MTF2: variants seen among roughly 807,000 people sequenced by gnomAD.
MTF2 encodes metal response element binding transcription factor 2.
A neutral mutation model predicts 79.5 loss-of-function variants in MTF2; 11 were observed. That is an observed-to-expected ratio of 0.14 (90% CI 0.09 to 0.23). The LOEUF is 0.23. MTF2 is among the 10% of genes least tolerant of loss of function. The pLI is 1.00. For synonymous variants in MTF2, 208 were observed against 232.8 expected, an observed-to-expected ratio of 0.89 and a Z score of 0.97; for missense variants, 486 against 711.2, an observed-to-expected ratio of 0.68 and a Z score of 3.60.
rs746773581 is a variant in MTF2, at chr1:93,110,295, C to A, written c.71C>A (p.Thr24Asn). The A allele has an allele frequency of 1.2e-6, 2 of 1,614,066 alleles. No homozygotes were observed. Among genetic ancestry groups the A allele is most frequent in the South Asian group, 2.2e-5 (2 of 91,076 alleles). Reference sequence around the variant, plus strand: ...TCTCCTTTACGTCGAAACCAAAAGACCCCAACATCCTTGACCAAGCTGTCT... The same window carrying A: ...TCTCCTTTACGTCGAAACCAAAAGAACCCAACATCCTTGACCAAGCTGTCT... ...KRSPLRRNQK[T>N]PTSLTKLSLQ... Residue 24 changes from threonine (T) to asparagine (N), a missense_variant, in exon 2 of 15, where the codon ACC (threonine) becomes AAC (asparagine). Coordinates refer to ENST00000370298, the MANE Select transcript of MTF2 (RefSeq NM_007358.4).
intron 1 of MTF2, among the ~76,000 whole-genome samples, chr1:93,087,506 A>G (rs1654895462): frequency 6.7e-6 from 1 of 150,066 alleles, no homozygotes; most frequent in African/African-American, 2.4e-5. Flanking sequence ...CAGGAGGCAG[A>G]GGTTGCAGTG....
At chr1:93,105,602 G>A (rs950544515) in intron 1 of MTF2, among the ~76,000 whole-genome samples, 3 of 152,082 alleles carry the variant, frequency 2.0e-5, no homozygotes, top group Non-Finnish European at 4.4e-5. Flanking sequence ...TCTACTGCCT[G>A]GCACAGTATG....
chr1:93,086,003 G>A (rs1654820501), intron 1 of MTF2, among the ~76,000 whole-genome samples: 1 of 152,186 alleles, frequency 6.6e-6, no homozygotes, highest in Non-Finnish European at 1.5e-5. Context: ...GCTACTGGCA[G>A]TGCAGTAGGT....
chr1:93,109,429 G>C (rs145090161), intron 1 of MTF2, among the ~76,000 whole-genome samples: 1 of 152,016 alleles, frequency 6.6e-6, no homozygotes, highest in Non-Finnish European at 1.5e-5. Context: ...CGCCTCCTGG[G>C]TTCAAATGAT....
intron 1 of MTF2, among the ~76,000 whole-genome samples, chr1:93,090,852 A>G (rs1655046846): frequency 6.6e-6 from 1 of 150,952 alleles, no homozygotes; most frequent in South Asian, 2.1e-4. Flanking sequence ...TTTAGTAGAG[A>G]TGGGGTTTCA....
intron 1 of MTF2, among the ~76,000 whole-genome samples, chr1:93,085,939 G>T (rs1011572514): frequency 3.9e-5 from 6 of 152,138 alleles, no homozygotes; most frequent in African/African-American, 1.4e-4. Flanking sequence ...TAACACAGTC[G>T]TTTGTTATCA....
At chr1:93,089,720 A>G (rs1212647477) in intron 1 of MTF2, among the ~76,000 whole-genome samples, 1 of 151,978 alleles carries the variant, frequency 6.6e-6, no homozygotes, top group African/African-American at 2.4e-5. Flanking sequence ...GCCTGGCTTA[A>G]TATTTTCATT....
intron 6 of MTF2, among the ~76,000 whole-genome samples, chr1:93,116,327 A>G (rs1656247409): frequency 6.6e-6 from 1 of 151,498 alleles, no homozygotes; most frequent in Non-Finnish European, 1.5e-5. Context: ...CTGGAGTAGC[A>G]TTTTTATTTT....
chr1:93,118,055 C>T (rs1229179938), intron 6 of MTF2, among the ~76,000 whole-genome samples: 3 of 152,046 alleles, frequency 2.0e-5, no homozygotes, highest in African/African-American at 7.3e-5. Context: ...TGTGTTTTAA[C>T]AGAGCTCATT....
At chr1:93,106,747 C>T (rs944063481) in intron 1 of MTF2, among the ~76,000 whole-genome samples, 1 of 152,120 alleles carries the variant, frequency 6.6e-6, no homozygotes, top group Admixed American at 6.5e-5. Flanking sequence ...TCTTGAACTC[C>T]CAGCCTCAGG....
intron 1 of MTF2, among the ~76,000 whole-genome samples, chr1:93,109,587 A>G (rs927483030): frequency 6.6e-6 from 1 of 152,090 alleles, no homozygotes; most frequent in African/African-American, 2.4e-5. Flanking sequence ...CACCCGCCTC[A>G]GCCTCCCAAA....
At chr1:93,119,915 G>A (rs1445248086) in intron 8 of MTF2, 7 of 152,206 alleles carry the variant, frequency 4.6e-5, no homozygotes, top group South Asian at 2.1e-4. Flanking sequence ...GCTTATATCC[G>A]GAAGTGAAAA....
intron 1 of MTF2, among the ~76,000 whole-genome samples, chr1:93,103,921 A>G: frequency 6.6e-6 from 1 of 152,152 alleles, no homozygotes; most frequent in East Asian, 1.9e-4. Flanking sequence ...ATTTTAAAAG[A>G]AGATACTGCT....
At position 93,134,180 on chromosome 1, in the gene MTF2, T is replaced by G. The variant is rs1354860391; in HGVS notation, c.1409T>G (p.Ile470Ser). ...GCAAAAGAAACTACCTCGTCTAGCA[T>G]TTCCAGGCATTATGGGTAGATATTT... ...SSAKETTSSS[I>S]SRHYGLSDSR... The change falls in exon 14 of 15, where the codon ATT becomes AGT. Residue 470 changes from isoleucine (I) to serine (S), a missense_variant. By Grantham distance (142) the Ile-to-Ser change is moderately radical. Around this residue, in one of 4 missense-constraint regions of MTF2, gnomAD observed 209 missense variants for 206.5 expected, o/e 1.01. Coordinates refer to ENST00000370298, the MANE Select transcript of MTF2 (RefSeq NM_007358.4). The G allele has an allele frequency of 2.9e-5, 46 of 1,606,026 alleles. No homozygotes were observed. Among genetic ancestry groups the G allele is most frequent in the Non-Finnish European group, 3.8e-5 (45 of 1,173,690 alleles).
At position 93,097,870 on chromosome 1, in the gene MTF2, T is replaced by C. The variant is rs112567512; in HGVS notation, c.6-12360T>C. Among the ~76,000 whole-genome samples, 290 of 152,310 alleles carry C rather than the reference T, an allele frequency of 1.9e-3. 1 individual carries two copies. The highest frequency in any genetic ancestry group is 6.6e-3 in the African/African-American group (275 of 41,574). On this transcript the variant is annotated intron_variant, in intron 1 of 14. Coordinates refer to ENST00000370298, the MANE Select transcript of MTF2 (RefSeq NM_007358.4). ...GCCTCAGCCTCCCACAGTGCTGGGA[T>C]TACAGGCATGAGCCACCATGCCTGG...
intron 9 of MTF2, chr1:93,121,671 AT>A (rs1190880197): frequency 1.0e-6 from 1 of 963,560 alleles, no homozygotes; most frequent in African/African-American, 1.8e-5. Context: ...GAATTTTTGA[AT>A]TCATCATTTG....
chr1:93,126,020 G>A (rs187670164), intron 9 of MTF2, among the ~76,000 whole-genome samples: 259 of 152,106 alleles, frequency 1.7e-3, no homozygotes, highest in Middle Eastern at 6.8e-3. Context: ...TGGATCTAGG[G>A]TCTCATTCAA....
intron 1 of MTF2, among the ~76,000 whole-genome samples, chr1:93,093,499 G>A (rs1655157031): frequency 6.6e-6 from 1 of 151,974 alleles, no homozygotes; most frequent in Non-Finnish European, 1.5e-5. Context: ...GTTGTCTTGG[G>A]GCTTTCCTTT....
intron 1 of MTF2, among the ~76,000 whole-genome samples, chr1:93,089,735 T>C (rs1474817842): frequency 6.6e-6 from 1 of 152,126 alleles, no homozygotes; most frequent in East Asian, 1.9e-4. Flanking sequence ...TTCATTGTTT[T>C]AGAGATTGTG....
Sources: allele counts gnomAD v4.1 joint callset (sites outside exome capture counted in the v4.1 genomes callset), GRCh38; gene constraint gnomAD v4.1.1; regional missense constraint gnomAD v4.1.1; transcripts MANE v1.5; gene names NCBI Gene and HGNC (gene_info 2026-07-23, HGNC 2026-07-21).